The following LDAF1 variants were observed in gnomAD, a reference collection of about 807,000 sequenced individuals.
LDAF1 encodes the protein PROMETHIN.
LDAF1 carries 7 observed loss-of-function variants against 13.5 expected under a neutral mutation model. The ratio of observed to expected loss-of-function variants is 0.52; its 90% CI spans 0.29 to 0.97. The LOEUF (loss-of-function observed/expected upper bound fraction) is 0.97, where lower values mean the gene tolerates loss of function less well. LDAF1 is among the 50% of genes least tolerant of loss of function. The pLI, the probability that LDAF1 is intolerant of heterozygous loss-of-function variation, is 0.07. For synonymous variants in LDAF1, 69 were observed against 77.1 expected, an observed-to-expected ratio of 0.89 and a Z score of 0.55; for missense variants, 148 against 193.2, an observed-to-expected ratio of 0.77 and a Z score of 1.39.
At chr16:21,162,791 G>C (rs2092989231) in intron 2 of LDAF1, among the ~76,000 whole-genome samples, 1 of 152,140 alleles carries the variant, frequency 6.6e-6, no homozygotes, top group East Asian at 1.9e-4. Flanking sequence ...CAGTAAGAAG[G>C]GTCCTCCTGC....
At chr16:21,167,757 A>G (rs1327833002) in intron 2 of LDAF1, among the ~76,000 whole-genome samples, 1 of 118,950 alleles carries the variant, frequency 8.4e-6, no homozygotes, top group Non-Finnish European at 1.6e-5. Context: ...CTGTAATCTC[A>G]GCACTTTGGG....
chr16:21,174,048 A>G lies in LDAF1; in HGVS notation c.304A>G (p.Ile102Val). 6.2e-7 allele frequency: 1 copy of G among 1,614,024 alleles called. No individual in the cohort carries two copies. The highest frequency in any genetic ancestry group is 8.5e-7 in the Non-Finnish European group (1 of 1,179,998). The change falls in exon 4 of 5, where the codon ATC (isoleucine) becomes GTC (valine). Residue 102 changes from isoleucine to valine, a missense_variant. Ile to Val is a conservative substitution (Grantham distance 29). Transcript: ENST00000233047. ...ISVGGFSLLC[I>V]LCGLGFVSLA... is the part of the protein sequence containing the mutation. ...TGTGGGTGGCTTCTCACTGCTCTGC[A>G]TCCTCTGTGGTTTGGGCTTCGTATC...
chr16:21,168,793 TATA>T (rs1358835957), intron 2 of LDAF1, among the ~76,000 whole-genome samples: 3 of 132,536 alleles, frequency 2.3e-5, no homozygotes, highest in East Asian at 2.1e-4. Flanking sequence ...TTTTTATAAA[TATA>T]ATTATATTTT....
chr16:21,173,703 A>T (rs1597560004), intron 3 of LDAF1, among the ~76,000 whole-genome samples: 1 of 150,720 alleles, frequency 6.6e-6, no homozygotes, highest in Non-Finnish European at 1.5e-5. Context: ...GCAGAGCAAG[A>T]CTGTCTCAAA....
At chr16:21,177,526 T>A (rs975620052) in intron 4 of LDAF1, among the ~76,000 whole-genome samples, 90 of 152,224 alleles carry the variant, frequency 5.9e-4, no homozygotes, top group African/African-American at 2.0e-3. Flanking sequence ...ATTGCACTGT[T>A]CCCTTGTGAG....
intron 2 of LDAF1, among the ~76,000 whole-genome samples, chr16:21,168,259 C>G (rs1361832444): frequency 6.6e-6 from 1 of 151,480 alleles, no homozygotes; most frequent in East Asian, 2.0e-4. Context: ...AGGTGACCCG[C>G]CTGCCTCCAC....
At chr16:21,163,640 A>G (rs2092997571) in intron 2 of LDAF1, among the ~76,000 whole-genome samples, 1 of 152,160 alleles carries the variant, frequency 6.6e-6, no homozygotes, top group South Asian at 2.1e-4. Context: ...GCAAGACTCT[A>G]TCTCAGACAA....
chr16:21,159,974 A>G (rs1011683264), intron 1 of LDAF1: 22 of 985,062 alleles, frequency 2.2e-5, no homozygotes, highest in Non-Finnish European at 2.4e-5. Context: ...CCCCTCCTCA[A>G]CTTTCCCCTC....
intron 2 of LDAF1, among the ~76,000 whole-genome samples, chr16:21,165,966 T>A (rs1054985245): frequency 6.6e-6 from 1 of 152,086 alleles, no homozygotes; most frequent in Non-Finnish European, 1.5e-5. Context: ...TTCAAGTGAT[T>A]CTCCCGCCTC....
intron 2 of LDAF1, among the ~76,000 whole-genome samples, chr16:21,162,295 T>C (rs999455320): frequency 6.6e-5 from 10 of 152,152 alleles, no homozygotes; most frequent in Admixed American, 6.6e-4. Flanking sequence ...AACTCCCTCT[T>C]CAAAACCCCC....
chr16:21,167,805 G>A (rs1201458228), intron 2 of LDAF1, among the ~76,000 whole-genome samples: 2 of 148,226 alleles, frequency 1.3e-5, no homozygotes, highest in African/African-American at 2.5e-5. Context: ...TCAGGAATTC[G>A]AGACCAGCCT....
chr16:21,160,676 ATAC>A (rs1163409412), intron 1 of LDAF1, among the ~76,000 whole-genome samples: 1 of 152,212 alleles, frequency 6.6e-6, no homozygotes, highest in African/African-American at 2.4e-5. Context: ...GTCAGAGATA[ATAC>A]TATTAACATT....
intron 2 of LDAF1, among the ~76,000 whole-genome samples, chr16:21,167,696 G>GTTTTTTTTTTTTTGTT (rs1555584380): frequency 1.9e-4 from 17 of 89,090 alleles, no homozygotes; most frequent in Non-Finnish European, 3.0e-4. Flanking sequence ...CCTTAGGTTT[G>GTTTTTTTTTTTTTGTT]TTTTTTTTTT....
chr16:21,171,821 T>C (rs982502344), intron 3 of LDAF1, among the ~76,000 whole-genome samples: 1 of 151,848 alleles, frequency 6.6e-6, no homozygotes, highest in Non-Finnish European at 1.5e-5. Context: ...CACTGCAACC[T>C]CTGCCACCCA....
rs146883847 is a variant in LDAF1 at position 21,161,197 on chromosome 16, G to A, written c.15G>A (p.Glu5=). Residue 5 remains glutamate, a synonymous_variant, in exon 2 of 5, where the codon GAG becomes GAA. Coordinates refer to ENST00000233047, the MANE Select transcript of LDAF1 (RefSeq NM_001301771.2). ...TGAGCTTCAGAATGGCAAAAGAGGA[G>A]CCCCAGAGTATCTCAAGGGACTTGC... is the stretch of plus-strand genomic sequence containing the variant. MAKE[E]PQSISRDLQE... The A allele has an allele frequency of 1.5e-5, 25 of 1,614,074 alleles. No individual in the cohort carries two copies. Among genetic ancestry groups the A allele is most frequent in the Non-Finnish European group, 2.0e-5 (24 of 1,180,042 alleles).
intron 2 of LDAF1, among the ~76,000 whole-genome samples, chr16:21,168,216 T>C (rs1183246446): frequency 3.3e-5 from 5 of 151,448 alleles, no homozygotes; most frequent in Non-Finnish European, 2.9e-5. Context: ...GGTTTCACCA[T>C]GTTAGCCAGG....
chr16:21,177,669 A>AGT (rs987831912), intron 4 of LDAF1, among the ~76,000 whole-genome samples: 1 of 114,136 alleles, frequency 8.8e-6, no homozygotes, highest in Non-Finnish European at 1.7e-5. Flanking sequence ...CCCAGGCTGG[A>AGT]GTGCAGTGGC....
At chr16:21,177,677 G>T in intron 4 of LDAF1, among the ~76,000 whole-genome samples, 1 of 137,302 alleles carries the variant, frequency 7.3e-6, no homozygotes, top group Admixed American at 8.0e-5. Flanking sequence ...GGAGTGCAGT[G>T]GCTTGATCTT....
chr16:21,170,151 C>T (rs1200720825), intron 2 of LDAF1: 2 of 200,638 alleles, frequency 1.0e-5, no homozygotes, highest in Non-Finnish European at 1.8e-5. Context: ...TACAGGCACA[C>T]ACCACCGTGC....
Sources: allele counts gnomAD v4.1 joint callset (sites outside exome capture counted in the v4.1 genomes callset), GRCh38; gene constraint gnomAD v4.1.1; transcripts MANE v1.5; gene names NCBI Gene and HGNC (gene_info 2026-07-23, HGNC 2026-07-21).